Variants in HLCS observed in about 807,000 individuals in gnomAD.
HLCS encodes the protein biotin--protein ligase.
Under a neutral mutation model 75.0 loss-of-function variants are expected in HLCS, and 53 were observed. The observed-to-expected ratio is 0.71, with a 90% CI of 0.57 to 0.89. HLCS has a LOEUF of 0.89. Among genes scored for constraint, HLCS ranks in the 40% least tolerant of loss-of-function variants. The probability of loss-of-function intolerance (pLI) is 0.00; values close to 1 mark genes in which losing one functional copy is unlikely to be tolerated. For missense variants in HLCS, 966 were observed against 1,074.0 expected (o/e 0.90, Z 1.41); for synonymous variants, 431 against 428.6 (o/e 1.01, Z -0.07).
At position 36,930,445 on chromosome 21, in the gene HLCS, A is replaced by C; in HGVS notation, c.1438-12T>G. On this transcript the variant is annotated splice_polypyrimidine_tract_variant and intron_variant, in intron 4 of 10. Transcript: ENST00000674895. The stretch of plus-strand genomic sequence containing the variant: ...AGTTCTAAGTGCACCTGAAGGGGAA[A>C]GATAGCACTATGTAAACTGAGGGCA... 6.2e-7 allele frequency: 1 copy of C among 1,610,072 alleles called. No individual in the cohort carries two copies. Among genetic ancestry groups the C allele is most frequent in the Non-Finnish European group, 8.5e-7 (1 of 1,176,286 alleles).
At chr21:36,789,952 G>A (rs1482567195) in intron 6 of HLCS, among the ~76,000 whole-genome samples, 1 of 152,152 alleles carries the variant, frequency 6.6e-6, no homozygotes, top group Non-Finnish European at 1.5e-5. Flanking sequence ...ACTAGAAGTG[G>A]TATCAATGGG....
intron 6 of HLCS, among the ~76,000 whole-genome samples, chr21:36,819,372 A>C (rs1168174646): frequency 6.6e-6 from 1 of 152,250 alleles, no homozygotes; most frequent in Non-Finnish European, 1.5e-5. Flanking sequence ...TCCACGCTTC[A>C]TAATGAACAC....
chr21:36,885,433 A>AG (rs2064408202), intron 6 of HLCS, among the ~76,000 whole-genome samples: 2 of 151,800 alleles, frequency 1.3e-5, no homozygotes. Flanking sequence ...ACTTGGGCCC[A>AG]GGAAGTTGAG....
At chr21:36,923,040 G>A (rs976981599) in intron 5 of HLCS, among the ~76,000 whole-genome samples, 10 of 152,118 alleles carry the variant, frequency 6.6e-5, no homozygotes, top group Admixed American at 2.0e-4. Context: ...CGTCATCGCC[G>A]GGCGCCCCAC....
chr21:36,758,975 C>T (rs2089716982), intron 9 of HLCS, among the ~76,000 whole-genome samples: 1 of 150,214 alleles, frequency 6.7e-6, no homozygotes, highest in South Asian at 2.1e-4. Context: ...CAGTGCTGGA[C>T]TCCATTTCAA....
chr21:36,912,998 C>T (rs1230667033), intron 5 of HLCS, among the ~76,000 whole-genome samples: 2 of 152,204 alleles, frequency 1.3e-5, no homozygotes, highest in Non-Finnish European at 2.9e-5. Flanking sequence ...CACTTAGCTA[C>T]AACAAGAGTA....
At position 36,888,483 on chromosome 21, in the gene HLCS, TA is replaced by T. The variant is rs1569149474; in HGVS notation, c.1892+8376del. On this transcript the variant is annotated intron_variant, in intron 6 of 10. Transcript: ENST00000674895. The stretch of plus-strand genomic sequence containing the variant: ...ATATATATATATATATATATATATA[TA>T]TATATATATATATTTATTTATTTAT... 2.6e-3 allele frequency among the ~76,000 whole-genome samples: 323 copies of T among 125,896 alleles called. 12 individuals are homozygous for T. The highest frequency in any genetic ancestry group is 8.5e-3 in the Middle Eastern group (2 of 236). The allele number at this position is 125,896 out of a possible 152,430, so 82.6% of individuals were successfully genotyped here. A position where few individuals can be genotyped will look rare whatever the true frequency, so the allele number is the denominator to read the frequency against.
Position 36,794,508 on chromosome 21 carries a change from G to A in HLCS, c.1893-27223C>T, listed in dbSNP as rs1421685289. On this transcript the variant is annotated intron_variant, in intron 6 of 10. Transcript: ENST00000674895. The stretch of plus-strand genomic sequence containing the variant: ...GGAGAGGAACAAAAAGGTGACCGAC[G>A]TGGCTGAAGCACACTCTGTGCGTAT... 5.3e-5 allele frequency among the ~76,000 whole-genome samples: 8 copies of A among 152,300 alleles called. No homozygotes were observed. In the South Asian group the frequency reaches 8.3e-4, roughly 16 times the overall value.
chr21:36,823,566 C>T (rs937693092), intron 6 of HLCS, among the ~76,000 whole-genome samples: 3 of 150,174 alleles, frequency 2.0e-5, no homozygotes, highest in Non-Finnish European at 4.4e-5. Flanking sequence ...ACTTAGTCTA[C>T]GAGGAGACTA....
intron 6 of HLCS, among the ~76,000 whole-genome samples, chr21:36,878,210 T>C (rs2064061276): frequency 6.6e-6 from 1 of 152,160 alleles, no homozygotes; most frequent in Non-Finnish European, 1.5e-5. Flanking sequence ...ATTCTGATAT[T>C]ATCCATAGGT....
chr21:36,815,349 G>C (rs531982026), intron 6 of HLCS, among the ~76,000 whole-genome samples: 10 of 152,286 alleles, frequency 6.6e-5, no homozygotes, highest in South Asian at 6.2e-4. Context: ...TTTTCTAACA[G>C]TGAAGGTGAA....
intron 1 of HLCS, among the ~76,000 whole-genome samples, chr21:36,982,281 T>C (rs568722231): frequency 6.6e-6 from 1 of 152,332 alleles, no homozygotes; most frequent in Admixed American, 6.5e-5. Flanking sequence ...CTCCAGTTTG[T>C]TTCCTCTAAC....
At chr21:36,980,974 G>A (rs916821861) in intron 1 of HLCS, 1 of 138,782 alleles carries the variant, frequency 7.2e-6, no homozygotes, top group South Asian at 2.3e-4. Context: ...CGGCATCCGC[G>A]GGGGATCCCT....
intron 5 of HLCS, among the ~76,000 whole-genome samples, chr21:36,906,362 T>TA (rs554302102): frequency 4.0e-5 from 6 of 151,658 alleles, no homozygotes; most frequent in South Asian, 2.1e-4. Context: ...ACCTCATGTC[T>TA]AAAAAAAAGA....
upstream of HLCS, among the ~76,000 whole-genome samples, chr21:36,971,499 T>C (rs77007516): frequency 2.0e-5 from 3 of 152,232 alleles, no homozygotes; most frequent in Non-Finnish European, 4.4e-5. Flanking sequence ...GATTTGAGTA[T>C]CAAATTGAAA....
At chr21:36,862,303 G>A (rs1324732035) in intron 6 of HLCS, among the ~76,000 whole-genome samples, 1 of 152,182 alleles carries the variant, frequency 6.6e-6, no homozygotes, top group East Asian at 1.9e-4. Flanking sequence ...TCTTGGGTAG[G>A]TGTCTAGGAG....
At chr21:36,761,278 T>A (rs2089831181) in intron 8 of HLCS, among the ~76,000 whole-genome samples, 1 of 152,196 alleles carries the variant, frequency 6.6e-6, no homozygotes, top group Admixed American at 6.5e-5. Context: ...GGGTGAGGAA[T>A]CCTATGCTAC....
At chr21:36,824,675 A>G (rs1049329835) in intron 6 of HLCS, among the ~76,000 whole-genome samples, 8 of 152,228 alleles carry the variant, frequency 5.3e-5, no homozygotes, top group African/African-American at 1.9e-4. Context: ...TGTTTTGTCC[A>G]TACACGGTAC....
chr21:36,982,884 C>G (rs916189197), intron 1 of HLCS, among the ~76,000 whole-genome samples: 1 of 152,094 alleles, frequency 6.6e-6, no homozygotes, highest in Non-Finnish European at 1.5e-5. Flanking sequence ...CAAAAATTAG[C>G]CAGCCATGGT....
Sources: gnomAD v4.1 joint callset for allele counts (sites outside exome capture counted in the v4.1 genomes callset) on GRCh38, gnomAD v4.1.1 for gene constraint, MANE v1.5 for transcripts, NCBI Gene and HGNC (gene_info 2026-07-23, HGNC 2026-07-21) for gene names.